Variants in GPALPP1 observed in about 807,000 individuals in gnomAD.
GPALPP1 encodes GPALPP motifs containing 1, also known as GPALPP motifs-containing protein 1.
GPALPP1 carries 30 observed loss-of-function variants against 38.9 expected under a neutral mutation model. The observed-to-expected ratio is 0.77, with a 90% CI of 0.58 to 1.05. The LOEUF (loss-of-function observed/expected upper bound fraction) is 1.05, where lower values mean the gene tolerates loss of function less well. Among genes scored for constraint, GPALPP1 ranks in the 50% least tolerant of loss-of-function variants. The pLI, the probability that GPALPP1 is intolerant of heterozygous loss-of-function variation, is 0.00. For missense variants in GPALPP1, 384 were observed against 408.8 expected (o/e 0.94, Z 0.52); for synonymous variants, 120 against 139.2 (o/e 0.86, Z 0.97).
intron 6 of GPALPP1, among the ~76,000 whole-genome samples, chr13:45,019,058 T>C (rs1331173246): frequency 3.8e-5 from 1 of 26,086 alleles, no homozygotes; most frequent in South Asian, 1.6e-3. Flanking sequence ...AATATAAATA[T>C]ATACATATAA....
chr13:45,020,410 G>A lies in GPALPP1; in HGVS notation c.786G>A (p.Glu262=). The change falls in exon 7 of 8, where the codon GAG becomes GAA. Residue 262 remains glutamate (E), a synonymous_variant. Coordinates refer to ENST00000379151, the MANE Select transcript of GPALPP1 (RefSeq NM_018559.5). The part of the protein sequence containing the change: ...ILSGRDKRLA[E]QVSSYNESKR... ...CAGGAAGAGATAAGAGACTGGCTGA[G>A]CAGGTATCTTCATACAATGTAAGTA... 1 of 1,402,572 alleles carries A rather than the reference G, an allele frequency of 7.1e-7. No individual in the cohort carries two copies. Among genetic ancestry groups the A allele is most frequent in the Middle Eastern group, 1.8e-4 (1 of 5,630 alleles). The allele number at this position is 1,402,572 out of a possible 1,614,324, so 86.9% of individuals were successfully genotyped here.
At chr13:44,990,371 A>C in intron 1 of GPALPP1, 1 of 160,510 alleles carries the variant, frequency 6.2e-6, no homozygotes. Flanking sequence ...ACTTCTCCCC[A>C]TCCTTCAAGG....
At chr13:45,025,958 C>T (rs144868904) in intron 7 of GPALPP1, among the ~76,000 whole-genome samples, 75 of 151,968 alleles carry the variant, frequency 4.9e-4, no homozygotes, top group Admixed American at 1.2e-3. Context: ...TTAGTAGAGA[C>T]GGGGTTTCTC....
chr13:45,005,723 A>G (rs1211994388), intron 2 of GPALPP1, among the ~76,000 whole-genome samples: 3 of 152,192 alleles, frequency 2.0e-5, no homozygotes, highest in Non-Finnish European at 4.4e-5. Flanking sequence ...GGAAAAGACT[A>G]GTTACGAACT....
At chr13:44,996,384 C>T (rs1873275341) in intron 1 of GPALPP1, among the ~76,000 whole-genome samples, 1 of 151,498 alleles carries the variant, frequency 6.6e-6, no homozygotes, top group African/African-American at 2.4e-5. Flanking sequence ...TTAAGAGGGG[C>T]CCAGGATTTA....
exon 8 of GPALPP1, chr13:45,036,464 A>C (rs1373181341): frequency 6.6e-6 from 1 of 152,232 alleles, no homozygotes; most frequent in Non-Finnish European, 1.5e-5. Flanking sequence ...ATGATCTGCA[A>C]AGGATGGTCT....
At chr13:45,023,678 G>A (rs939625735) in intron 7 of GPALPP1, among the ~76,000 whole-genome samples, 9 of 152,070 alleles carry the variant, frequency 5.9e-5, no homozygotes, top group Admixed American at 1.3e-4. Flanking sequence ...TAGGCCTTCC[G>A]CTTCCAACTC....
chr13:45,019,034 CATAGAAATATATAA>C lies in GPALPP1; in HGVS notation c.706-1292_706-1279del, dbSNP rs1339041005. Among the ~76,000 whole-genome samples the C allele has an allele frequency of 8.9e-4, 11 of 12,416 alleles. No homozygotes were observed. In the South Asian group the frequency reaches 0.01, roughly 12 times the overall value. 8.1% of individuals were successfully genotyped at this position (12,416 alleles called of 152,430 possible). ...ATATATATACACATATAAATATATA[CATAGAAATATATAA>C]ATATAAATATATACATATAAATATA... is the stretch of plus-strand genomic sequence containing the variant. On this transcript the variant is annotated intron_variant, in intron 6 of 7. Transcript: ENST00000379151.
chr13:45,029,293 A>C lies in GPALPP1; in HGVS notation c.*1290A>C, dbSNP rs1188357976. The C allele has an allele frequency of 2.6e-5, 4 of 152,168 alleles. No individual in the cohort carries two copies. Among genetic ancestry groups the C allele is most frequent in the African/African-American group, 9.6e-5 (4 of 41,540 alleles). 9.4% of individuals were successfully genotyped at this position (152,168 alleles called of 1,614,324 possible). On this transcript the variant is annotated 3_prime_UTR_variant, in exon 8 of 8. Transcript: ENST00000379151. ...TGAAGAATACTCTTTGTCCATCTTTATTTCTTTGTTTTTGGCTTCTTAAGA... is the reference window on the plus strand; with the variant it reads ...TGAAGAATACTCTTTGTCCATCTTTCTTTCTTTGTTTTTGGCTTCTTAAGA...
intron 1 of GPALPP1, among the ~76,000 whole-genome samples, chr13:45,003,899 G>A (rs367668998): frequency 3.4e-5 from 5 of 147,400 alleles, no homozygotes; most frequent in Admixed American, 1.3e-4. Context: ...TGGTTCTACC[G>A]TAAACTGTAA....
At chr13:45,019,942 T>A (rs1272225959) in intron 6 of GPALPP1, among the ~76,000 whole-genome samples, 3 of 135,986 alleles carry the variant, frequency 2.2e-5, no homozygotes, top group African/African-American at 8.3e-5. Flanking sequence ...TGGGGTGCAG[T>A]GGAACGATTT....
At chr13:45,009,872 C>T (rs1874353319) in intron 4 of GPALPP1, among the ~76,000 whole-genome samples, 2 of 152,150 alleles carry the variant, frequency 1.3e-5, no homozygotes, top group Admixed American at 6.5e-5. Context: ...AGGACTCAGC[C>T]ACTTCTGCTC....
chr13:44,998,118 T>A (rs767043291), intron 1 of GPALPP1, among the ~76,000 whole-genome samples: 109 of 152,234 alleles, frequency 7.2e-4, no homozygotes, highest in Non-Finnish European at 1.2e-3. Context: ...ATAAGAGAAC[T>A]TCCTCAATTT....
intron 3 of GPALPP1, among the ~76,000 whole-genome samples, chr13:45,008,313 G>A (rs998342183): frequency 6.6e-6 from 1 of 152,126 alleles, no homozygotes; most frequent in African/African-American, 2.4e-5. Flanking sequence ...GGCATTGTCT[G>A]CACATGCTAT....
chr13:45,033,145 A>T (rs796615572), downstream of GPALPP1: 18 of 152,230 alleles, frequency 1.2e-4, 1 homozygote, highest in African/African-American at 4.3e-4. Flanking sequence ...ACATTATGAC[A>T]TTTTTTGTTT....
At chr13:45,003,548 G>C (rs899873731) in intron 1 of GPALPP1, among the ~76,000 whole-genome samples, 6 of 152,140 alleles carry the variant, frequency 3.9e-5, no homozygotes, top group Non-Finnish European at 8.8e-5. Context: ...AACTATGATA[G>C]TAGGCTTTTA....
At chr13:45,008,983 A>T (rs1460680264) in intron 4 of GPALPP1, 104 bp downstream of exon 4, 2 of 723,810 alleles carry the variant, frequency 2.8e-6, no homozygotes, top group East Asian at 5.4e-5. Flanking sequence ...TACTACAACC[A>T]CTGGACTCAA....
intron 1 of GPALPP1, among the ~76,000 whole-genome samples, chr13:44,998,624 C>T (rs1447243352): frequency 3.3e-5 from 5 of 152,136 alleles, no homozygotes; most frequent in African/African-American, 1.2e-4. Context: ...TCGTCCAGTC[C>T]CCACCTTCTT....
intron 4 of GPALPP1, among the ~76,000 whole-genome samples, chr13:45,014,176 A>G (rs1874671629): frequency 6.6e-6 from 1 of 152,078 alleles, no homozygotes; most frequent in Non-Finnish European, 1.5e-5. Context: ...TGACTCTTAG[A>G]GTTTGTGTTT....
Sources: gnomAD v4.1 joint callset for allele counts (sites outside exome capture counted in the v4.1 genomes callset) on GRCh38, gnomAD v4.1.1 for gene constraint, MANE v1.5 for transcripts, NCBI Gene and HGNC (gene_info 2026-07-23, HGNC 2026-07-21) for gene names.